TRIM22: variants seen among roughly 807,000 people sequenced by gnomAD.
TRIM22 encodes E3 ubiquitin-protein ligase TRIM22.
In TRIM22, 45 loss-of-function variants were observed where a neutral mutation model predicts 53.6. The ratio of observed to expected loss-of-function variants is 0.84; its 90% CI spans 0.66 to 1.08. The LOEUF (loss-of-function observed/expected upper bound fraction) is 1.08, where lower values mean the gene tolerates loss of function less well. TRIM22 is among the 50% of genes least tolerant of loss of function. The pLI, the probability that TRIM22 is intolerant of heterozygous loss-of-function variation, is 0.00. For synonymous variants in TRIM22, 225 were observed against 216.6 expected, an observed-to-expected ratio of 1.04 and a Z score of -0.34; for missense variants, 616 against 590.9, an observed-to-expected ratio of 1.04 and a Z score of -0.44.
At chr11:5,691,398 G>A (rs1375855607) in intron 1 of TRIM22, among the ~76,000 whole-genome samples, 2 of 152,234 alleles carry the variant, frequency 1.3e-5, no homozygotes, top group Non-Finnish European at 2.9e-5. Context: ...GATTTTCACA[G>A]TGCTTTTCTA....
chr11:5,696,611 G>A lies in TRIM22; in HGVS notation c.379G>A (p.Gly127Ser). 6.2e-7 allele frequency: 1 copy of A among 1,613,598 alleles called. No homozygotes were observed. Among genetic ancestry groups the A allele is most frequent in the Non-Finnish European group, 8.5e-7 (1 of 1,180,030 alleles). Residue 127 changes from glycine (G) to serine (S), a missense_variant, in exon 2 of 8, where the codon GGT (glycine) becomes AGT (serine). Gly to Ser is a moderately conservative substitution (Grantham distance 56). Transcript: ENST00000379965. ...TTGTGAACTGTCTCAGGAACACCAAGGTCACCAAACATTCCGCATAAACGA... is the reference window on the plus strand; with the variant it reads ...TTGTGAACTGTCTCAGGAACACCAAAGTCACCAAACATTCCGCATAAACGA... ...WVCELSQEHQ[G>S]HQTFRINEVV...
Position 5,692,848 on chromosome 11 carries a change from T to TTGTG in TRIM22, c.-67+2951_-67+2954dup, listed in dbSNP as rs552159272. Among the ~76,000 whole-genome samples the TTGTG allele has an allele frequency of 2.4e-3, 365 of 151,450 alleles. 1 individual carries two copies. Among genetic ancestry groups the TTGTG allele is most frequent in the Non-Finnish European group, 4.4e-3 (300 of 67,858 alleles). On this transcript the variant is annotated intron_variant, in intron 1 of 7. Coordinates refer to ENST00000379965, the MANE Select transcript of TRIM22 (RefSeq NM_006074.5). Reference sequence around the variant, plus strand: ...AAACCCCTTATAATTTTTCTCCTTATTGTGTAGCCACACTAATTTAATTTA... The same window carrying TTGTG: ...AAACCCCTTATAATTTTTCTCCTTATTGTGTGTGTAGCCACACTAATTTAATTTA...
intron 1 of TRIM22, among the ~76,000 whole-genome samples, chr11:5,691,930 G>T (rs1289354047): frequency 2.0e-5 from 3 of 151,910 alleles, no homozygotes; most frequent in Non-Finnish European, 2.9e-5. Context: ...TCTAGTACAG[G>T]ACCCAATAAA....
intron 4 of TRIM22, among the ~76,000 whole-genome samples, chr11:5,700,505 G>T (rs1444704905): frequency 6.8e-6 from 1 of 146,022 alleles, no homozygotes; most frequent in African/African-American, 2.5e-5. Flanking sequence ...GGTGAGAGGG[G>T]ATATCCTTTC....
chr11:5,700,795 T>G (rs1853362691), intron 4 of TRIM22, among the ~76,000 whole-genome samples: 1 of 151,802 alleles, frequency 6.6e-6, no homozygotes, highest in South Asian at 2.1e-4. Context: ...AGCTAATTTT[T>G]GTATTTTTAA....
intron 4 of TRIM22, among the ~76,000 whole-genome samples, chr11:5,699,571 A>AGTGTT (rs1853333262): frequency 8.3e-6 from 1 of 120,708 alleles, no homozygotes; most frequent in Non-Finnish European, 1.7e-5. Context: ...AAAAAAAAAG[A>AGTGTT]GTGTTGTATG....
chr11:5,697,279 T>A lies in TRIM22; in HGVS notation c.455T>A (p.Ile152Lys), dbSNP rs375795798. The change falls in exon 3 of 8, where the codon ATA (isoleucine) becomes AAA (lysine). Residue 152 changes from isoleucine to lysine, a missense_variant. By Grantham distance (102) the Ile-to-Lys change is moderately radical (BLOSUM62 -3). Transcript: ENST00000379965. Reference sequence around the variant, plus strand: ...CTGCAGGTAGCCCTGCAGAGGCTGATAAAGGAGGATCAAGAGGCTGAGAAG... The same window carrying A: ...CTGCAGGTAGCCCTGCAGAGGCTGAAAAAGGAGGATCAAGAGGCTGAGAAG... ...EKLQVALQRL[I>K]KEDQEAEKLE... 1.6e-5 allele frequency: 26 copies of A among 1,613,252 alleles called. No individual in the cohort carries two copies. Among genetic ancestry groups the A allele is most frequent in the Non-Finnish European group, 2.2e-5 (26 of 1,179,692 alleles).
chr11:5,709,329 A>AT lies in TRIM22; in HGVS notation c.1180dup (p.Tyr394LeufsTer9). The stretch of plus-strand genomic sequence containing the variant: ...GGGTTTGCTTTTGATCCAAGTGTAA[A>AT]TTATTCAAAAGTTTACTCCAGATAT... On this transcript the variant is annotated frameshift_variant, in exon 8 of 8. Coordinates refer to ENST00000379965, the MANE Select transcript of TRIM22 (RefSeq NM_006074.5). LOFTEE classifies it high-confidence loss of function. 6.2e-7 allele frequency: 1 copy of AT among 1,614,126 alleles called. No homozygotes were observed. Among genetic ancestry groups the AT allele is most frequent in the Non-Finnish European group, 8.5e-7 (1 of 1,180,032 alleles).
chr11:5,706,500 A>T, intron 4 of TRIM22, 94 bp from the exon 5 acceptor site: 1 of 1,145,264 alleles, frequency 8.7e-7, no homozygotes, highest in Non-Finnish European at 1.3e-6. Context: ...AACAAAAAAT[A>T]TATTGTTTAT....
At chr11:5,700,212 T>A (rs1389953590) in intron 4 of TRIM22, among the ~76,000 whole-genome samples, 1 of 151,774 alleles carries the variant, frequency 6.6e-6, no homozygotes, top group Non-Finnish European at 1.5e-5. Flanking sequence ...AACCTTCACC[T>A]CTCAGGTTCA....
chr11:5,698,037 T>G lies in TRIM22; in HGVS notation c.520-278T>G, dbSNP rs888869150. 22 of 336,786 alleles carry G rather than the reference T, an allele frequency of 6.5e-5. No individual in the cohort carries two copies. The Admixed American group carries it at 8.7e-4, about 13-fold the overall frequency. The allele number at this position is 336,786 out of a possible 1,614,324, so 20.9% of individuals were successfully genotyped here. On this transcript the variant is annotated intron_variant, in intron 3 of 7. Transcript: ENST00000379965. Reference sequence around the variant, plus strand: ...GATTTAAGATACAGAAAGGCAAAGTTGTTCAGGACAGGTGTCTACAATCCA... The same window carrying G: ...GATTTAAGATACAGAAAGGCAAAGTGGTTCAGGACAGGTGTCTACAATCCA...
chr11:5,699,187 TCATA>T (rs1230852075), intron 4 of TRIM22, among the ~76,000 whole-genome samples: 4 of 152,206 alleles, frequency 2.6e-5, no homozygotes, highest in Non-Finnish European at 4.4e-5. Context: ...TTACATGTCC[TCATA>T]CAAACATGTT....
In TRIM22 at chr11:5,710,310, T is replaced by C. The variant is rs1489567291; in HGVS notation, c.*662T>C. On this transcript the variant is annotated 3_prime_UTR_variant, in exon 8 of 8. Transcript: ENST00000379965. Reference sequence around the variant, plus strand: ...AAGGAAACATATCTAATCCTTCCTATAGAAAGAACAGTATTGCTGTAATTC... The same window carrying C: ...AAGGAAACATATCTAATCCTTCCTACAGAAAGAACAGTATTGCTGTAATTC... 6 of 152,152 alleles carry C rather than the reference T, an allele frequency of 3.9e-5. No individual in the cohort carries two copies. The highest frequency in any genetic ancestry group is 7.3e-5 in the Non-Finnish European group (5 of 68,038). 9.4% of individuals were successfully genotyped at this position (152,152 alleles called of 1,614,324 possible). A position where few individuals can be genotyped will look rare whatever the true frequency, so the allele number is the denominator to read the frequency against.
At chr11:5,695,242 CCTT>C (rs1177442105) in intron 1 of TRIM22, among the ~76,000 whole-genome samples, 2 of 152,088 alleles carry the variant, frequency 1.3e-5, no homozygotes, top group Non-Finnish European at 2.9e-5. Flanking sequence ...TATAGTATGT[CCTT>C]CTAAGAAGAG....
intron 4 of TRIM22, among the ~76,000 whole-genome samples, chr11:5,704,690 T>C (rs1226259003): frequency 6.6e-6 from 1 of 152,252 alleles, no homozygotes; most frequent in South Asian, 2.1e-4. Context: ...ACTTTTTGTA[T>C]CATAGCCAAC....
intron 1 of TRIM22, among the ~76,000 whole-genome samples, chr11:5,695,476 A>T (rs930615814): frequency 6.6e-6 from 1 of 152,132 alleles, no homozygotes; most frequent in Non-Finnish European, 1.5e-5. Flanking sequence ...ATATATTATG[A>T]TTCTATTTTT....
rs778013729 is a variant in TRIM22 at position 5,706,564 on chromosome 11, C to G, written c.751-30C>G. The G allele has an allele frequency of 1.1e-5, 18 of 1,610,360 alleles. 1 individual carries two copies. The highest frequency in any genetic ancestry group is 1.7e-5 in the Admixed American group (1 of 59,750). On this transcript the variant is annotated intron_variant, in intron 4 of 7. Coordinates refer to ENST00000379965, the MANE Select transcript of TRIM22 (RefSeq NM_006074.5). ...TATGTTCTAAATCTGGCAACCCTAT[C>G]TTGACTCATGTTTTCTATCTTTTCC...
chr11:5,708,485 C>T (rs1303916797), intron 6 of TRIM22, 92 bp from the exon 7 acceptor site: 4 of 1,274,606 alleles, frequency 3.1e-6, no homozygotes, highest in East Asian at 2.3e-5. Flanking sequence ...TCCCAGTATT[C>T]CCCCTTTCCT....
intron 1 of TRIM22, among the ~76,000 whole-genome samples, chr11:5,693,322 G>A (rs1396803214): frequency 1.3e-5 from 2 of 151,454 alleles, no homozygotes; most frequent in South Asian, 2.1e-4. Flanking sequence ...TTCTACATTC[G>A]CACCACCTTC....
Sources: allele counts gnomAD v4.1 joint callset (sites outside exome capture counted in the v4.1 genomes callset), GRCh38; gene constraint gnomAD v4.1.1; transcripts MANE v1.5; gene names NCBI Gene and HGNC (gene_info 2026-07-23, HGNC 2026-07-21).